Variants in NXPH2 observed in about 807,000 individuals in gnomAD.
The protein encoded by NXPH2 is neurexophilin-2.
In NXPH2, 5 loss-of-function variants were observed where a neutral mutation model predicts 19.8. That is an observed-to-expected ratio of 0.25 (90% CI 0.13 to 0.53). NXPH2 has a LOEUF of 0.53. Ranked by LOEUF, NXPH2 falls within the 20% of genes least tolerant of loss-of-function variation. The pLI is 0.96. For synonymous variants in NXPH2, 154 were observed against 127.4 expected (o/e 1.21, Z -1.41); for missense variants, 289 against 322.8 (o/e 0.90, Z 0.80).
At chr2:138,760,613 T>C (rs1296668869) in intron 1 of NXPH2, among the ~76,000 whole-genome samples, 3 of 152,158 alleles carry the variant, frequency 2.0e-5, no homozygotes, top group Non-Finnish European at 2.9e-5. Flanking sequence ...CCAAGTGTCA[T>C]CTCATCTCAA....
At chr2:138,736,940 A>C (rs1365606768) in intron 1 of NXPH2, among the ~76,000 whole-genome samples, 1 of 152,212 alleles carries the variant, frequency 6.6e-6, no homozygotes, top group Non-Finnish European at 1.5e-5. Context: ...CCTTGGCTCC[A>C]GTTCCCAACA....
intron 1 of NXPH2, among the ~76,000 whole-genome samples, chr2:138,676,517 A>G (rs1431064223): frequency 1.3e-5 from 2 of 152,134 alleles, no homozygotes; most frequent in Non-Finnish European, 2.9e-5. Flanking sequence ...GCAGCCTGAT[A>G]TGATGTTTCC....
At chr2:138,689,682 G>A (rs533138315) in intron 1 of NXPH2, among the ~76,000 whole-genome samples, 1 of 152,248 alleles carries the variant, frequency 6.6e-6, no homozygotes, top group African/African-American at 2.4e-5. Flanking sequence ...GCTTTTATAG[G>A]CAAATTTAGC....
intron 1 of NXPH2, among the ~76,000 whole-genome samples, chr2:138,675,594 T>C (rs1395698646): frequency 6.6e-6 from 1 of 152,142 alleles, no homozygotes; most frequent in Non-Finnish European, 1.5e-5. Context: ...TAGCAGTTTA[T>C]GTTGTAAGAG....
At chr2:138,704,641 A>T (rs1253527857) in intron 1 of NXPH2, among the ~76,000 whole-genome samples, 1 of 152,068 alleles carries the variant, frequency 6.6e-6, no homozygotes, top group African/African-American at 2.4e-5. Context: ...TACTGTAGTG[A>T]TATTTTAAGG....
intron 1 of NXPH2, among the ~76,000 whole-genome samples, chr2:138,707,094 C>CAAGAAAAAAAAAA (rs1681027687): frequency 2.9e-5 from 1 of 34,840 alleles, no homozygotes; most frequent in African/African-American, 8.0e-5. Context: ...TGCCCCATGA[C>CAAGAAAAAAAAAA]AAAAAAAAAA....
At chr2:138,738,293 C>T (rs988613652) in intron 1 of NXPH2, among the ~76,000 whole-genome samples, 1 of 152,040 alleles carries the variant, frequency 6.6e-6, no homozygotes, top group Non-Finnish European at 1.5e-5. Flanking sequence ...ATATATAGCT[C>T]ATGGAGGTAT....
chr2:138,673,218 T>C (rs1330032990), intron 1 of NXPH2, among the ~76,000 whole-genome samples: 1 of 152,162 alleles, frequency 6.6e-6, no homozygotes, highest in Admixed American at 6.5e-5. Flanking sequence ...TGGCCTCTTC[T>C]TAGGGGCTTA....
intron 1 of NXPH2, among the ~76,000 whole-genome samples, chr2:138,672,276 T>C (rs1423048138): frequency 6.6e-6 from 1 of 152,182 alleles, no homozygotes; most frequent in Non-Finnish European, 1.5e-5. Flanking sequence ...TTTAGTTGCC[T>C]TTATAAAAAC....
chr2:138,696,793 T>C (rs1418812038), intron 1 of NXPH2, among the ~76,000 whole-genome samples: 2 of 152,140 alleles, frequency 1.3e-5, no homozygotes, highest in East Asian at 3.8e-4. Context: ...AGCAAAGACT[T>C]TTACACAAAA....
At chr2:138,683,319 A>G (rs1157416718) in intron 1 of NXPH2, among the ~76,000 whole-genome samples, 1 of 152,216 alleles carries the variant, frequency 6.6e-6, no homozygotes, top group Admixed American at 6.5e-5. Context: ...CTGAAATATA[A>G]TGGCCTGGGA....
At chr2:138,687,284 T>G (rs893353260) in intron 1 of NXPH2, among the ~76,000 whole-genome samples, 8 of 152,256 alleles carry the variant, frequency 5.3e-5, no homozygotes, top group African/African-American at 1.9e-4. Context: ...GGTTTTGATT[T>G]GCATTTCTCT....
intron 1 of NXPH2, among the ~76,000 whole-genome samples, chr2:138,777,359 A>G (rs1381881658): frequency 1.3e-5 from 2 of 152,156 alleles, no homozygotes; most frequent in African/African-American, 4.8e-5. Context: ...CAAGATGGAT[A>G]TTTAAATCTT....
At chr2:138,712,943 A>G (rs188937951) in intron 1 of NXPH2, among the ~76,000 whole-genome samples, 8 of 152,304 alleles carry the variant, frequency 5.3e-5, no homozygotes, top group African/African-American at 1.9e-4. Context: ...ATTCCTTCCA[A>G]TTCTTTCTTC....
chr2:138,760,255 T>A (rs1558931347), intron 1 of NXPH2, among the ~76,000 whole-genome samples: 1 of 152,196 alleles, frequency 6.6e-6, no homozygotes, highest in African/African-American at 2.4e-5. Context: ...CAACTACTAA[T>A]GAGCAATAAG....
At chr2:138,778,751 C>A (rs1230692842) in intron 1 of NXPH2, among the ~76,000 whole-genome samples, 2 of 152,262 alleles carry the variant, frequency 1.3e-5, no homozygotes, top group Non-Finnish European at 2.9e-5. Flanking sequence ...GCAAGGGATA[C>A]TAAAGATTAA....
At chr2:138,696,428 G>A (rs995272514) in intron 1 of NXPH2, among the ~76,000 whole-genome samples, 1 of 152,050 alleles carries the variant, frequency 6.6e-6, no homozygotes, top group African/African-American at 2.4e-5. Flanking sequence ...CAAAAAATGG[G>A]AAAAATAATT....
chr2:138,712,211 C>T (rs1681116428), intron 1 of NXPH2, among the ~76,000 whole-genome samples: 1 of 151,218 alleles, frequency 6.6e-6, no homozygotes, highest in South Asian at 2.1e-4. Flanking sequence ...ACAGCTAGAA[C>T]CTTCATGGAT....
chr2:138,753,312 A>G (rs965132194), intron 1 of NXPH2, among the ~76,000 whole-genome samples: 1 of 152,110 alleles, frequency 6.6e-6, no homozygotes, highest in African/African-American at 2.4e-5. Flanking sequence ...GGTCCTTGTG[A>G]CAGTGAGGGT....
Sources: allele counts gnomAD v4.1 joint callset (sites outside exome capture counted in the v4.1 genomes callset), GRCh38; gene constraint gnomAD v4.1.1; transcripts MANE v1.5; gene names NCBI Gene and HGNC (gene_info 2026-07-23, HGNC 2026-07-21).